The following PLCL2 variants were observed in gnomAD, a reference collection of about 807,000 sequenced individuals.
PLCL2 encodes the protein phospholipase C like 2, also known as inactive phospholipase C-like protein 2.
A neutral mutation model predicts 79.6 loss-of-function variants in PLCL2; 4 were observed. The ratio of observed to expected loss-of-function variants is 0.05; its 90% CI spans 0.02 to 0.11. PLCL2 has a LOEUF of 0.11. PLCL2 is among the 10% of genes least tolerant of loss of function. The pLI, the probability that PLCL2 is intolerant of heterozygous loss-of-function variation, is 1.00. For synonymous variants in PLCL2, 484 were observed against 457.7 expected (o/e 1.06, Z -0.73); for missense variants, 895 against 1,291.0 (o/e 0.69, Z 4.70).
At chr3:16,922,222 T>G (rs1445158461) in intron 1 of PLCL2, among the ~76,000 whole-genome samples, 1 of 152,206 alleles carries the variant, frequency 6.6e-6, no homozygotes, top group Non-Finnish European at 1.5e-5. Context: ...TTTAGAGTTT[T>G]AATAGGAATG....
At chr3:16,919,027 T>C (rs1697062037) in intron 1 of PLCL2, among the ~76,000 whole-genome samples, 1 of 152,178 alleles carries the variant, frequency 6.6e-6, no homozygotes, top group Non-Finnish European at 1.5e-5. Context: ...ATTCTTAAAC[T>C]TAGAGCAGTT....
chr3:16,914,960 A>G (rs1029548189), intron 1 of PLCL2, among the ~76,000 whole-genome samples: 5 of 152,100 alleles, frequency 3.3e-5, no homozygotes, highest in African/African-American at 7.2e-5. Flanking sequence ...TTGAACACCT[A>G]TCCTCAAGTG....
At chr3:17,068,807 T>A (rs1403569756) in intron 5 of PLCL2, among the ~76,000 whole-genome samples, 1 of 152,220 alleles carries the variant, frequency 6.6e-6, no homozygotes, top group Non-Finnish European at 1.5e-5. Flanking sequence ...AAAATAATGC[T>A]GTGTATGTAC....
chr3:17,033,319 A>G (rs1273163784), intron 3 of PLCL2, among the ~76,000 whole-genome samples: 1 of 152,200 alleles, frequency 6.6e-6, no homozygotes, highest in Non-Finnish European at 1.5e-5. Context: ...AGTTGAATAC[A>G]GTGTTCAGGC....
At chr3:16,933,118 C>T (rs9880307) in intron 1 of PLCL2, 1 of 154,484 alleles carries the variant, frequency 6.5e-6, no homozygotes, top group Non-Finnish European at 1.5e-5. Flanking sequence ...ATTGGACAGC[C>T]GGAGTATTTT....
chr3:16,898,225 C>A (rs1696529902), intron 1 of PLCL2, among the ~76,000 whole-genome samples: 1 of 152,096 alleles, frequency 6.6e-6, no homozygotes, highest in African/African-American at 2.4e-5. Context: ...CTTTGACAGG[C>A]AGTTTTATTT....
intron 4 of PLCL2, among the ~76,000 whole-genome samples, chr3:17,065,508 G>T (rs2065000994): frequency 6.6e-6 from 1 of 152,092 alleles, no homozygotes; most frequent in African/African-American, 2.4e-5. Context: ...ATGTGAGTTG[G>T]AATTAAGCCC....
intron 3 of PLCL2, among the ~76,000 whole-genome samples, chr3:17,027,467 A>G (rs1219674338): frequency 6.6e-6 from 1 of 152,210 alleles, no homozygotes; most frequent in African/African-American, 2.4e-5. Context: ...GACAGAAACT[A>G]AGCCTAAGCC....
chr3:16,987,133 C>T (rs1434110594), intron 1 of PLCL2, among the ~76,000 whole-genome samples: 1 of 151,746 alleles, frequency 6.6e-6, no homozygotes, highest in East Asian at 1.9e-4. Flanking sequence ...CCTTGTGTAA[C>T]GGAAGAGGAA....
chr3:16,904,661 T>C (rs1160121658), intron 1 of PLCL2, among the ~76,000 whole-genome samples: 2 of 152,192 alleles, frequency 1.3e-5, no homozygotes, highest in Non-Finnish European at 2.9e-5. Flanking sequence ...GGTTTGGCTG[T>C]GTCCCCACCC....
At chr3:17,050,921 T>A (rs2064832600) in intron 4 of PLCL2, among the ~76,000 whole-genome samples, 1 of 152,212 alleles carries the variant, frequency 6.6e-6, no homozygotes, top group African/African-American at 2.4e-5. Flanking sequence ...GTTGAATGGA[T>A]ATTGTGTGTG....
intron 3 of PLCL2, 22 bp downstream of exon 3, chr3:17,014,933 TA>T: frequency 6.3e-7 from 1 of 1,587,414 alleles, no homozygotes; most frequent in Non-Finnish European, 8.6e-7. Context: ...TTTGTCCGTT[TA>T]CATAGCCTGG....
chr3:16,936,606 G>C (rs915238506), intron 1 of PLCL2, among the ~76,000 whole-genome samples: 16 of 152,212 alleles, frequency 1.1e-4, no homozygotes, highest in African/African-American at 3.1e-4. Context: ...GAAAATCTAA[G>C]TGTAATTTTA....
intron 1 of PLCL2, among the ~76,000 whole-genome samples, chr3:16,945,148 C>G (rs1196384599): frequency 6.6e-6 from 1 of 152,102 alleles, no homozygotes; most frequent in Non-Finnish European, 1.5e-5. Flanking sequence ...CTGTGGTGCT[C>G]AACCTCACGT....
intron 1 of PLCL2, among the ~76,000 whole-genome samples, chr3:16,900,496 A>G (rs1285867715): frequency 6.6e-6 from 1 of 152,162 alleles, no homozygotes; most frequent in Non-Finnish European, 1.5e-5. Context: ...ATAAAGCTAT[A>G]TGTTGATTTG....
intron 1 of PLCL2, among the ~76,000 whole-genome samples, chr3:16,917,954 C>G (rs1302799854): frequency 6.6e-6 from 1 of 152,120 alleles, no homozygotes; most frequent in Non-Finnish European, 1.5e-5. Flanking sequence ...TGCCAGACTT[C>G]TATTTTCTTA....
intron 1 of PLCL2, among the ~76,000 whole-genome samples, chr3:16,903,058 A>G (rs1432962165): frequency 6.6e-6 from 1 of 152,258 alleles, no homozygotes; most frequent in East Asian, 1.9e-4. Context: ...TTTTCGTAGG[A>G]AAGGTCTTAT....
At chr3:16,988,726 A>G (rs891679682) in intron 1 of PLCL2, among the ~76,000 whole-genome samples, 9 of 152,166 alleles carry the variant, frequency 5.9e-5, no homozygotes, top group African/African-American at 1.9e-4. Context: ...ATTTGTATCA[A>G]CTAGGTAGCT....
chr3:17,024,873 C>G (rs576425082), intron 3 of PLCL2, among the ~76,000 whole-genome samples: 86 of 152,258 alleles, frequency 5.6e-4, no homozygotes, highest in African/African-American at 2.0e-3. Context: ...GCGGCTGTGC[C>G]AGCTTGTGCT....
Sources: gnomAD v4.1 joint callset for allele counts (sites outside exome capture counted in the v4.1 genomes callset) on GRCh38, gnomAD v4.1.1 for gene constraint, MANE v1.5 for transcripts, NCBI Gene and HGNC (gene_info 2026-07-23, HGNC 2026-07-21) for gene names.